Variants in GOLM2 observed in about 807,000 individuals in gnomAD.
The protein encoded by GOLM2 is golgi membrane protein 2.
GOLM2 carries 26 observed loss-of-function variants against 55.9 expected under a neutral mutation model. The ratio of observed to expected loss-of-function variants is 0.47; its 90% CI spans 0.34 to 0.65. The LOEUF (loss-of-function observed/expected upper bound fraction) is 0.65, where lower values mean the gene tolerates loss of function less well. Among genes scored for constraint, GOLM2 ranks in the 30% least tolerant of loss-of-function variants. GOLM2 has a pLI of 0.01. For synonymous variants in GOLM2, 165 were observed against 194.6 expected, an observed-to-expected ratio of 0.85 and a Z score of 1.27; for missense variants, 486 against 531.8, an observed-to-expected ratio of 0.91 and a Z score of 0.85.
chr15:44,412,924 TC>T (rs1951053121), intron 9 of GOLM2, among the ~76,000 whole-genome samples: 1 of 150,858 alleles, frequency 6.6e-6, no homozygotes, highest in Non-Finnish European at 1.5e-5. Context: ...AATCGCTTGA[TC>T]CTGGGAGACA....
At chr15:44,393,863 TGTATTTTTA>T in intron 8 of GOLM2, among the ~76,000 whole-genome samples, 1 of 152,170 alleles carries the variant, frequency 6.6e-6, no homozygotes, top group East Asian at 1.9e-4. Flanking sequence ...AGCTAGTTTT[TGTATTTTTA>T]GTTAGAGATG....
At chr15:44,393,755 A>G (rs113078190) in intron 8 of GOLM2, among the ~76,000 whole-genome samples, 1 of 152,118 alleles carries the variant, frequency 6.6e-6, no homozygotes, top group Non-Finnish European at 1.5e-5. Context: ...GCAGTGGCGC[A>G]ATCTTGGCTC....
intron 1 of GOLM2, among the ~76,000 whole-genome samples, chr15:44,316,138 TGTAATA>T (rs1406274103): frequency 1.3e-5 from 2 of 152,174 alleles, no homozygotes; most frequent in African/African-American, 4.8e-5. Context: ...TTTCTAGTCA[TGTAATA>T]GTAAGAACTC....
At chr15:44,300,446 T>C (rs1369320016) in intron 1 of GOLM2, among the ~76,000 whole-genome samples, 1 of 152,230 alleles carries the variant, frequency 6.6e-6, no homozygotes, top group East Asian at 1.9e-4. Flanking sequence ...CTGTTTTTTC[T>C]TACTCTCCTG....
intron 9 of GOLM2, among the ~76,000 whole-genome samples, chr15:44,405,636 TGAGACGGA>T (rs2079592321): frequency 6.6e-6 from 1 of 152,108 alleles, no homozygotes; most frequent in Non-Finnish European, 1.5e-5. Flanking sequence ...CTTTTTTTTT[TGAGACGGA>T]GTCTCACTCT....
intron 1 of GOLM2, among the ~76,000 whole-genome samples, chr15:44,321,347 C>T (rs1450513943): frequency 6.6e-6 from 1 of 151,810 alleles, no homozygotes; most frequent in Non-Finnish European, 1.5e-5. Context: ...TGGCAAATGC[C>T]TGTAGTCCCA....
chr15:44,305,033 CT>C (rs2078826919), intron 1 of GOLM2, among the ~76,000 whole-genome samples: 1 of 151,770 alleles, frequency 6.6e-6, no homozygotes, highest in Non-Finnish European at 1.5e-5. Flanking sequence ...GGCACAGTCT[CT>C]GTTGCCCAGG....
At position 44,332,058 on chromosome 15, in the gene GOLM2, C is replaced by A. The variant is rs1330434011; in HGVS notation, c.556C>A (p.Gln186Lys). 1.3e-6 allele frequency: 2 copies of A among 1,586,278 alleles called. No individual in the cohort carries two copies. Among genetic ancestry groups the A allele is most frequent in the South Asian group, 1.1e-5 (1 of 87,328 alleles). The change falls in exon 4 of 10, where the codon CAG becomes AAG. Residue 186 changes from glutamine (Q) to lysine (K), a missense_variant. Transcript: ENST00000299957. ...HEENIKKLAD[Q>K]FLEEQKQETQ... Reference sequence around the variant, plus strand: ...AGAAAATATTAAAAAGTTAGCAGACCAGTTTTTAGAGGAACAAAAGGTAAA... The same window carrying A: ...AGAAAATATTAAAAAGTTAGCAGACAAGTTTTTAGAGGAACAAAAGGTAAA...
intron 8 of GOLM2, among the ~76,000 whole-genome samples, chr15:44,395,414 A>G (rs1287856646): frequency 2.0e-5 from 3 of 152,052 alleles, no homozygotes; most frequent in African/African-American, 7.2e-5. Flanking sequence ...TTTGACTTAT[A>G]GTACAGAATT....
intron 9 of GOLM2, chr15:44,405,308 A>G (rs1473439719): frequency 2.0e-5 from 3 of 152,164 alleles, no homozygotes; most frequent in East Asian, 1.9e-4. Context: ...GGATTTCCCT[A>G]TTTGCAAGTT....
intron 6 of GOLM2, among the ~76,000 whole-genome samples, chr15:44,366,510 T>TCTA (rs2079286564): frequency 6.6e-6 from 1 of 152,114 alleles, no homozygotes; most frequent in Non-Finnish European, 1.5e-5. Context: ...GGCATACGCC[T>TCTA]GTAGTCCCAG....
At chr15:44,398,284 T>C (rs150064417) in intron 8 of GOLM2, among the ~76,000 whole-genome samples, 22 of 152,346 alleles carry the variant, frequency 1.4e-4, no homozygotes, top group African/African-American at 5.0e-4. Context: ...TTATAGGAGA[T>C]GAAGATAGGA....
chr15:44,407,452 T>C lies in GOLM2; in HGVS notation c.1240+4398T>C, dbSNP rs1428990028. ...GGCTAGTTTTTTGTATTTTTTGTAG[T>C]GGCAGGATTTAGCCATGTTTCCCAT... is the stretch of plus-strand genomic sequence containing the variant. On this transcript the variant is annotated intron_variant, in intron 9 of 9. Coordinates refer to ENST00000299957, the MANE Select transcript of GOLM2 (RefSeq NM_138423.4). Among the ~76,000 whole-genome samples, 3 of 151,392 alleles carry C rather than the reference T, an allele frequency of 2.0e-5. No homozygotes were observed. The East Asian group carries it at 5.8e-4, about 29-fold the overall frequency.
intron 8 of GOLM2, among the ~76,000 whole-genome samples, chr15:44,395,655 C>T (rs2079520957): frequency 1.3e-5 from 2 of 151,882 alleles, no homozygotes; most frequent in Admixed American, 6.6e-5. Flanking sequence ...TCCTGGCCAA[C>T]ATGATGAAAC....
chr15:44,342,774 C>T (rs1001221806), intron 6 of GOLM2, among the ~76,000 whole-genome samples: 2 of 152,160 alleles, frequency 1.3e-5, no homozygotes, highest in Non-Finnish European at 2.9e-5. Flanking sequence ...CTGGAGCTCC[C>T]TACATGCTGC....
Position 44,298,270 on chromosome 15 carries a change from T to C in GOLM2, c.327+8914T>C, listed in dbSNP as rs575724352. ...CTTTTCCTTCTTTTCTTTTTCTTTT[T>C]TTTTTTTTTTGAGATGGAGTTTTGC... On this transcript the variant is annotated intron_variant, in intron 1 of 9. Coordinates refer to ENST00000299957, the MANE Select transcript of GOLM2 (RefSeq NM_138423.4). Among the ~76,000 whole-genome samples the C allele has an allele frequency of 2.7e-5, 4 of 150,846 alleles. No individual in the cohort carries two copies. The East Asian group carries it at 7.8e-4, about 29-fold the overall frequency.
At chr15:44,296,050 C>G (rs1178407620) in intron 1 of GOLM2, among the ~76,000 whole-genome samples, 4 of 152,012 alleles carry the variant, frequency 2.6e-5, no homozygotes, top group African/African-American at 9.7e-5. Context: ...CTCTCTTTGT[C>G]TTTTAAAGAG....
intron 9 of GOLM2, among the ~76,000 whole-genome samples, chr15:44,407,122 TTATA>T (rs2079602169): frequency 1.4e-5 from 2 of 146,844 alleles, no homozygotes; most frequent in African/African-American, 2.5e-5. Context: ...TATAATATAT[TTATA>T]TAGATATATA....
intron 6 of GOLM2, among the ~76,000 whole-genome samples, chr15:44,351,280 G>C (rs1179484159): frequency 6.6e-6 from 1 of 151,924 alleles, no homozygotes; most frequent in Non-Finnish European, 1.5e-5. Context: ...GCAATCAGAC[G>C]AAAGAAAGAA....
Sources: allele counts gnomAD v4.1 joint callset (sites outside exome capture counted in the v4.1 genomes callset), GRCh38; gene constraint gnomAD v4.1.1; transcripts MANE v1.5; gene names NCBI Gene and HGNC (gene_info 2026-07-23, HGNC 2026-07-21).